ADGRF5: variants seen among roughly 807,000 people sequenced by gnomAD.
ADGRF5 encodes G-protein coupled receptor 116.
Under a neutral mutation model 132.3 loss-of-function variants are expected in ADGRF5, and 75 were observed. That is an observed-to-expected ratio of 0.57 (90% confidence interval 0.47 to 0.69). The LOEUF (loss-of-function observed/expected upper bound fraction) is 0.69, where lower values mean the gene tolerates loss of function less well. Among genes scored for constraint, ADGRF5 ranks in the 30% least tolerant of loss-of-function variants. The pLI, the probability that ADGRF5 is intolerant of heterozygous loss-of-function variation, is 0.00. For synonymous variants in ADGRF5, 629 were observed against 597.6 expected (o/e 1.05, Z -0.77); for missense variants, 1,516 against 1,630.6 (o/e 0.93, Z 1.21).
At chr6:46,944,042 T>G (rs1778203650) in intron 1 of ADGRF5, among the ~76,000 whole-genome samples, 1 of 152,216 alleles carries the variant, frequency 6.6e-6, no homozygotes, top group Non-Finnish European at 1.5e-5. Flanking sequence ...AAACATTGTT[T>G]TTTATGCCTA....
rs60609903 is a variant in ADGRF5, at chr6:46,949,558, T to C, written c.-25+5176A>G. ...GGCAGACAGTTCCAGCCAGCTTTCTTCTCTCTCCAAAAGTCAAATATTCCA... is the reference window on the plus strand; with the variant it reads ...GGCAGACAGTTCCAGCCAGCTTTCTCCTCTCTCCAAAAGTCAAATATTCCA... On this transcript the variant is annotated intron_variant, in intron 1 of 20. Coordinates refer to the ADGRF5 transcript ENST00000265417. 8.5e-5 allele frequency among the ~76,000 whole-genome samples: 13 copies of C among 152,334 alleles called. No individual in the cohort carries two copies. The East Asian group carries it at 2.5e-3, about 29-fold the overall frequency.
At position 46,852,830 on chromosome 6, in the gene ADGRF5, G is replaced by A. The variant is rs377504153; in HGVS notation, c.*1162C>T. 5 of 152,414 alleles carry A rather than the reference G, an allele frequency of 3.3e-5. No homozygotes were observed. In the South Asian group the frequency reaches 1.0e-3, roughly 32 times the overall value. The allele number at this position is 152,414 out of a possible 1,614,324, so 9.4% of individuals were successfully genotyped here. On this transcript the variant is annotated 3_prime_UTR_variant, in exon 21 of 21. Coordinates refer to ENST00000283296, the MANE Select transcript of ADGRF5 (RefSeq NM_001098518.2). ...AAACTCTTAATGTATATTGGTCTGG[G>A]AACTTAAAGATGGAAACAGAGAATA...
chr6:46,927,622 C>T (rs892820333), intron 1 of ADGRF5, among the ~76,000 whole-genome samples: 4 of 152,166 alleles, frequency 2.6e-5, no homozygotes, highest in Non-Finnish European at 4.4e-5. Context: ...TTTATCCTCT[C>T]TTTATTTATT....
Position 46,859,258 on chromosome 6 carries a change from A to T in ADGRF5, c.2645T>A (p.Val882Asp). ...GTTTTCTAGATAGCTCTTGTCAATG[A>T]CCACATTGCCCCAGAGGTCAAAGTA... ...FPYFDLWGNV[V>D]IDKSYLENLQ... The change falls in exon 17 of 21, where the codon GTC becomes GAC. Residue 882 changes from valine (V) to aspartate (D), a missense_variant. Coordinates refer to ENST00000283296, the MANE Select transcript of ADGRF5 (RefSeq NM_001098518.2). 1 of 1,614,118 alleles carries T rather than the reference A, an allele frequency of 6.2e-7. No individual in the cohort carries two copies. The highest frequency in any genetic ancestry group is 8.5e-7 in the Non-Finnish European group (1 of 1,179,980).
At chr6:46,895,972 C>T (rs1774140802) in intron 3 of ADGRF5, among the ~76,000 whole-genome samples, 1 of 152,108 alleles carries the variant, frequency 6.6e-6, no homozygotes, top group African/African-American at 2.4e-5. Context: ...GGGATTATTG[C>T]TGTCCTTCAT....
intron 1 of ADGRF5, among the ~76,000 whole-genome samples, chr6:46,917,425 G>C (rs907056916): frequency 6.6e-6 from 1 of 152,186 alleles, no homozygotes; most frequent in African/African-American, 2.4e-5. Context: ...AAGTCAGACT[G>C]CCTGAGATGG....
At chr6:46,901,059 T>G (rs768742435) in intron 2 of ADGRF5, among the ~76,000 whole-genome samples, 1 of 152,180 alleles carries the variant, frequency 6.6e-6, no homozygotes, top group Non-Finnish European at 1.5e-5. Context: ...GGTTACATGG[T>G]AAATGCTATT....
At chr6:46,906,491 T>G (rs967431638) in intron 2 of ADGRF5, among the ~76,000 whole-genome samples, 170 bp downstream of exon 2, 4 of 152,192 alleles carry the variant, frequency 2.6e-5, no homozygotes, top group African/African-American at 9.7e-5. Flanking sequence ...GAGTTTACAT[T>G]CACCCCTTCT....
chr6:46,899,510 A>T (rs1774524608), intron 3 of ADGRF5, among the ~76,000 whole-genome samples: 1 of 152,004 alleles, frequency 6.6e-6, no homozygotes, highest in Non-Finnish European at 1.5e-5. Context: ...CTCTTCACCT[A>T]CCCCTAACCC....
chr6:46,941,457 AAAAGAAAAGAAAGAAAAGAAAAGAAAAG>A (rs1778079654), intron 1 of ADGRF5, among the ~76,000 whole-genome samples: 6 of 42,752 alleles, frequency 1.4e-4, no homozygotes, highest in East Asian at 9.2e-4. Context: ...AAAAGAAAAG[AAAAGAAAAGAAAGAAAAGAAAAGAAAAG>A]AAAGAAAAGA....
At chr6:46,862,190 T>A (rs974059891) in intron 15 of ADGRF5, among the ~76,000 whole-genome samples, 1 of 152,172 alleles carries the variant, frequency 6.6e-6, no homozygotes, top group African/African-American at 2.4e-5. Context: ...GGTGAGAGGA[T>A]TTGGAATTGG....
chr6:46,948,973 C>T (rs759132628), intron 1 of ADGRF5, among the ~76,000 whole-genome samples: 1 of 152,172 alleles, frequency 6.6e-6, no homozygotes, highest in Non-Finnish European at 1.5e-5. Flanking sequence ...ATGCTTTGGA[C>T]ATGAGACAGT....
chr6:46,879,883 G>C lies in ADGRF5; in HGVS notation c.971C>G (p.Ala324Gly), dbSNP rs1205471373. 6.2e-7 allele frequency: 1 copy of C among 1,613,940 alleles called. No individual in the cohort carries two copies. The highest frequency in any genetic ancestry group is 8.5e-7 in the Non-Finnish European group (1 of 1,179,948). ...CACCGAAGTCATGTTGTTGAAAAGT[G>C]CGGTGTAAATCGAGAATCTGCTGCT... ...QNSSRFSIYTALFNNMTSVSK... is the reference protein window; with the variant it reads ...QNSSRFSIYTGLFNNMTSVSK... The change falls in exon 9 of 21, where the codon GCA (alanine) becomes GGA (glycine). Residue 324 changes from alanine to glycine, a missense_variant. Around this residue, in one of 2 missense-constraint regions of ADGRF5, gnomAD observed 945 missense variants for 929.4 expected, o/e 1.02. Transcript: ENST00000283296.
intron 1 of ADGRF5, among the ~76,000 whole-genome samples, chr6:46,912,447 G>A (rs947774169): frequency 6.6e-6 from 1 of 152,164 alleles, no homozygotes; most frequent in Non-Finnish European, 1.5e-5. Flanking sequence ...GCTGCAAGCA[G>A]GCCAGAGTGG....
At chr6:46,862,367 C>A (rs1354615676) in intron 15 of ADGRF5, among the ~76,000 whole-genome samples, 1 of 152,130 alleles carries the variant, frequency 6.6e-6, no homozygotes, top group Non-Finnish European at 1.5e-5. Flanking sequence ...ATAGCGGTAA[C>A]CTCTATTATA....
At chr6:46,944,808 C>A (rs1011974146) in intron 1 of ADGRF5, among the ~76,000 whole-genome samples, 7 of 152,142 alleles carry the variant, frequency 4.6e-5, no homozygotes, top group Admixed American at 3.3e-4. Context: ...GTGTAGCATA[C>A]CATCTGCCAC....
intron 1 of ADGRF5, among the ~76,000 whole-genome samples, chr6:46,948,479 TGTGTGTGTG>T (rs1441524670): frequency 1.9e-5 from 1 of 52,042 alleles, no homozygotes; most frequent in African/African-American, 1.2e-4. Context: ...CTAGTGAGTG[TGTGTGTGTG>T]TGTGTGTGTG....
intron 3 of ADGRF5, among the ~76,000 whole-genome samples, chr6:46,898,942 T>C (rs1438872014): frequency 1.3e-5 from 2 of 152,220 alleles, no homozygotes; most frequent in South Asian, 2.1e-4. Flanking sequence ...ATTCGCTCAC[T>C]GGTTGAGAAA....
At chr6:46,862,619 A>G (rs1769894751) in intron 15 of ADGRF5, among the ~76,000 whole-genome samples, 1 of 150,668 alleles carries the variant, frequency 6.6e-6, no homozygotes, top group Non-Finnish European at 1.5e-5. Flanking sequence ...TATGGAACAC[A>G]TGGTACTGAG....
Sources: gnomAD v4.1 joint callset for allele counts (sites outside exome capture counted in the v4.1 genomes callset) on GRCh38, gnomAD v4.1.1 for gene constraint, gnomAD v4.1.1 regional missense constraint, MANE v1.5 for transcripts, NCBI Gene and HGNC (gene_info 2026-07-23, HGNC 2026-07-21) for gene names.